GAREM1: variants seen among roughly 807,000 people sequenced by gnomAD.
GAREM1 encodes the protein GRB2 associated regulator of MAPK1 subtype 1.
Under a neutral mutation model 71.3 loss-of-function variants are expected in GAREM1, and 26 were observed. The ratio of observed to expected loss-of-function variants is 0.36; its 90% CI spans 0.27 to 0.51. The LOEUF is 0.51. GAREM1 is among the 20% of genes least tolerant of loss of function. The probability of loss-of-function intolerance (pLI) is 0.95; values close to 1 mark genes in which losing one functional copy is unlikely to be tolerated. For missense variants in GAREM1, 1,026 were observed against 1,103.1 expected (o/e 0.93, Z 0.99); for synonymous variants, 440 against 433.2 (o/e 1.02, Z -0.20).
At chr18:32,341,464 C>A (rs150141696) in intron 2 of GAREM1, among the ~76,000 whole-genome samples, 69 of 152,250 alleles carry the variant, frequency 4.5e-4, no homozygotes, top group African/African-American at 1.6e-3. Flanking sequence ...TTTACAGCAG[C>A]ATGATTTATA....
At chr18:32,294,123 T>C (rs2047115735) in intron 3 of GAREM1, among the ~76,000 whole-genome samples, 1 of 152,162 alleles carries the variant, frequency 6.6e-6, no homozygotes, top group African/African-American at 2.4e-5. Context: ...ATCAGGACTA[T>C]AAATAAAAGT....
intron 4 of GAREM1, among the ~76,000 whole-genome samples, chr18:32,278,286 G>A (rs1156295176): frequency 6.6e-6 from 1 of 152,172 alleles, no homozygotes; most frequent in African/African-American, 2.4e-5. Flanking sequence ...TATTTCCTGA[G>A]TTAACCTTCT....
At chr18:32,449,519 A>G (rs1041737980) in intron 1 of GAREM1, among the ~76,000 whole-genome samples, 2 of 152,046 alleles carry the variant, frequency 1.3e-5, no homozygotes, top group African/African-American at 4.8e-5. Flanking sequence ...TACAAAACAT[A>G]TATATTTAAA....
chr18:32,435,637 A>G (rs1170839070), intron 1 of GAREM1, among the ~76,000 whole-genome samples: 1 of 152,180 alleles, frequency 6.6e-6, no homozygotes, highest in East Asian at 1.9e-4. Flanking sequence ...AAATGGTGAC[A>G]CAGAATAAAA....
chr18:32,413,828 C>A (rs139119425), intron 1 of GAREM1, among the ~76,000 whole-genome samples: 4 of 152,160 alleles, frequency 2.6e-5, no homozygotes, highest in African/African-American at 9.6e-5. Flanking sequence ...TGAAAGATAT[C>A]ATCAATTAAA....
intron 2 of GAREM1, among the ~76,000 whole-genome samples, chr18:32,324,799 G>A (rs1205461180): frequency 6.6e-6 from 1 of 152,134 alleles, no homozygotes; most frequent in Non-Finnish European, 1.5e-5. Context: ...AAGACATGGG[G>A]GAAACTTAAA....
chr18:32,348,874 G>C (rs1353404631), intron 2 of GAREM1, among the ~76,000 whole-genome samples: 5 of 152,020 alleles, frequency 3.3e-5, no homozygotes, highest in Non-Finnish European at 7.4e-5. Context: ...AGGTTAATTA[G>C]GTCATCAATG....
At chr18:32,298,216 C>A (rs989203218) in intron 3 of GAREM1, among the ~76,000 whole-genome samples, 1 of 152,158 alleles carries the variant, frequency 6.6e-6, no homozygotes, top group African/African-American at 2.4e-5. Flanking sequence ...ATGCTTCCAA[C>A]TCTGAAGTCA....
intron 1 of GAREM1, among the ~76,000 whole-genome samples, chr18:32,447,838 G>C (rs1000719549): frequency 6.6e-6 from 1 of 152,150 alleles, no homozygotes; most frequent in Non-Finnish European, 1.5e-5. Context: ...ATTAAAAGAT[G>C]TGCCATGGAT....
At chr18:32,395,343 G>A (rs2048241644) in intron 1 of GAREM1, among the ~76,000 whole-genome samples, 1 of 152,210 alleles carries the variant, frequency 6.6e-6, no homozygotes, top group African/African-American at 2.4e-5. Context: ...ACAAACCCAA[G>A]ATCGCTGCCC....
chr18:32,372,441 T>C (rs1308865383), intron 2 of GAREM1, among the ~76,000 whole-genome samples: 1 of 152,236 alleles, frequency 6.6e-6, no homozygotes, highest in Non-Finnish European at 1.5e-5. Flanking sequence ...TATTGATTTT[T>C]AGATGTTAAA....
At chr18:32,432,772 T>C (rs1201367827) in intron 1 of GAREM1, among the ~76,000 whole-genome samples, 1 of 152,164 alleles carries the variant, frequency 6.6e-6, no homozygotes, top group Non-Finnish European at 1.5e-5. Context: ...TAGTCTCCTA[T>C]TAATGAAATT....
At chr18:32,381,498 T>G (rs908915879) in intron 2 of GAREM1, among the ~76,000 whole-genome samples, 2 of 152,200 alleles carry the variant, frequency 1.3e-5, no homozygotes, top group Admixed American at 6.5e-5. Flanking sequence ...TTGCTCCCTT[T>G]TCCTCATTCC....
chr18:32,373,387 T>C (rs1199242135), intron 2 of GAREM1, among the ~76,000 whole-genome samples: 2 of 152,110 alleles, frequency 1.3e-5, no homozygotes, highest in Non-Finnish European at 2.9e-5. Flanking sequence ...CCCTACAAAA[T>C]TCAGATGTTG....
intron 2 of GAREM1, among the ~76,000 whole-genome samples, chr18:32,312,625 G>C (rs374328221): frequency 6.6e-6 from 1 of 152,134 alleles, no homozygotes; most frequent in African/African-American, 2.4e-5. Context: ...AGATGGAACA[G>C]AGGCTACTGA....
At chr18:32,437,233 A>G (rs1003970128) in intron 1 of GAREM1, among the ~76,000 whole-genome samples, 2 of 152,278 alleles carry the variant, frequency 1.3e-5, no homozygotes, top group Middle Eastern at 6.8e-3. Context: ...TTACTCAGCA[A>G]TGACCTCGAG....
intron 3 of GAREM1, among the ~76,000 whole-genome samples, chr18:32,295,648 T>C (rs1211004216): frequency 6.6e-6 from 1 of 152,234 alleles, no homozygotes; most frequent in East Asian, 1.9e-4. Flanking sequence ...TTTTAATCTT[T>C]GGAACAAGTA....
chr18:32,404,696 A>G (rs369447769), intron 1 of GAREM1, among the ~76,000 whole-genome samples: 2 of 152,208 alleles, frequency 1.3e-5, no homozygotes, highest in Non-Finnish European at 1.5e-5. Context: ...TTGCAAATAT[A>G]TAATCTTATA....
intron 2 of GAREM1, among the ~76,000 whole-genome samples, chr18:32,318,237 T>G (rs950527772): frequency 5.3e-5 from 8 of 152,220 alleles, no homozygotes; most frequent in African/African-American, 1.9e-4. Context: ...GATGTATTTC[T>G]AAAACTGTAT....
Sources: allele counts gnomAD v4.1 joint callset (sites outside exome capture counted in the v4.1 genomes callset), GRCh38; gene constraint gnomAD v4.1.1; transcripts MANE v1.5; gene names NCBI Gene and HGNC (gene_info 2026-07-23, HGNC 2026-07-21).